SEMA6D: variants seen among roughly 807,000 people sequenced by gnomAD.
SEMA6D encodes semaphorin-6D.
SEMA6D carries 35 observed loss-of-function variants against 106.6 expected under a neutral mutation model. The observed-to-expected ratio is 0.33, with a 90% CI of 0.25 to 0.44. The LOEUF (loss-of-function observed/expected upper bound fraction) is 0.44. Among genes scored for constraint, SEMA6D ranks in the 20% least tolerant of loss-of-function variants. The pLI is 1.00. For missense variants in SEMA6D, 1,185 were observed against 1,345.9 expected (o/e 0.88, Z 1.87); for synonymous variants, 499 against 487.7 (o/e 1.02, Z -0.31).
intron 1 of SEMA6D, among the ~76,000 whole-genome samples, chr15:47,376,771 T>C (rs184095736): frequency 6.6e-6 from 1 of 152,208 alleles, no homozygotes; most frequent in Non-Finnish European, 1.5e-5. Context: ...GGGTAAAATA[T>C]GTTAAGTACC....
intron 3 of SEMA6D, among the ~76,000 whole-genome samples, chr15:47,530,482 C>A (rs72733854): frequency 0.14 from 21,046 of 152,112 alleles, 2,748 homozygotes; most frequent in African/African-American, 0.35. Context: ...AAAATATATA[C>A]GTAAACTCAA....
intron 1 of SEMA6D, among the ~76,000 whole-genome samples, chr15:47,337,335 A>G (rs1479151198): frequency 6.6e-6 from 1 of 152,194 alleles, no homozygotes; most frequent in African/African-American, 2.4e-5. Context: ...TCAGCAAAAA[A>G]GAGAACGTTG....
intron 3 of SEMA6D, among the ~76,000 whole-genome samples, chr15:47,594,234 C>A (rs529833809): frequency 9.8e-5 from 15 of 152,314 alleles, no homozygotes; most frequent in African/African-American, 2.4e-4. Context: ...CAAACTTCCT[C>A]CTTTAAGAAG....
At chr15:47,659,621 A>G (rs1425774363) in intron 4 of SEMA6D, among the ~76,000 whole-genome samples, 2 of 152,054 alleles carry the variant, frequency 1.3e-5, no homozygotes, top group Admixed American at 6.5e-5. Context: ...AAAAGTTTTC[A>G]TGTGTCAAAA....
At chr15:47,445,004 G>C (rs1306872620) in intron 2 of SEMA6D, among the ~76,000 whole-genome samples, 1 of 152,066 alleles carries the variant, frequency 6.6e-6, no homozygotes, top group South Asian at 2.1e-4. Context: ...CTGGAAGGGG[G>C]ATGGAGTGGG....
intron 4 of SEMA6D, among the ~76,000 whole-genome samples, chr15:47,622,516 T>A (rs1322273347): frequency 1.3e-5 from 2 of 152,138 alleles, no homozygotes; most frequent in Non-Finnish European, 2.9e-5. Flanking sequence ...TTAATGCATC[T>A]CTTCAACTTT....
chr15:47,469,096 G>C (rs2042750191), intron 2 of SEMA6D, among the ~76,000 whole-genome samples: 1 of 152,212 alleles, frequency 6.6e-6, no homozygotes, highest in Admixed American at 6.5e-5. Context: ...ATAGTGAGTA[G>C]TGGGAGCTGT....
At chr15:47,469,882 G>A (rs1281030111) in intron 2 of SEMA6D, among the ~76,000 whole-genome samples, 1 of 152,046 alleles carries the variant, frequency 6.6e-6, no homozygotes, top group Non-Finnish European at 1.5e-5. Flanking sequence ...CATTTTATAA[G>A]GAAATACTTT....
intron 2 of SEMA6D, among the ~76,000 whole-genome samples, chr15:47,427,245 G>A (rs922652651): frequency 6.6e-6 from 1 of 152,090 alleles, no homozygotes; most frequent in Admixed American, 6.6e-5. Flanking sequence ...ACTGCAGAAG[G>A]TGTTGATCAA....
intron 1 of SEMA6D, among the ~76,000 whole-genome samples, chr15:47,744,254 A>G (rs1006159863): frequency 5.9e-5 from 9 of 152,118 alleles, no homozygotes; most frequent in African/African-American, 1.2e-4. Flanking sequence ...ATAAAACACT[A>G]TAAGTGAAAA....
chr15:47,224,195 T>TA lies in SEMA6D; in HGVS notation c.-239+39787dup, dbSNP rs1048394671. ...AAAAATAATAAAATAAAATTAAATT[T>TA]AAAAAAAAAAGAAATACTATTTGCT... On this transcript the variant is annotated intron_variant, in intron 1 of 19. Transcript: ENST00000558014. Among the ~76,000 whole-genome samples, 70 of 149,316 alleles carry TA rather than the reference T, an allele frequency of 4.7e-4. 1 individual carries two copies. Among genetic ancestry groups the TA allele is most frequent in the South Asian group, 2.1e-3 (10 of 4,718 alleles).
chr15:47,483,489 T>C (rs2043211631), intron 3 of SEMA6D, among the ~76,000 whole-genome samples: 1 of 152,154 alleles, frequency 6.6e-6, no homozygotes, highest in African/African-American at 2.4e-5. Flanking sequence ...ATCCAAAAGA[T>C]GAAGAGAGCA....
At chr15:47,571,433 A>G (rs2046379471) in intron 3 of SEMA6D, among the ~76,000 whole-genome samples, 1 of 152,248 alleles carries the variant, frequency 6.6e-6, no homozygotes, top group Non-Finnish European at 1.5e-5. Context: ...AGCATTCTTG[A>G]GTCCAGAGCA....
chr15:47,694,435 G>A lies in SEMA6D; in HGVS notation c.-54-65310G>A, dbSNP rs112559839. The stretch of plus-strand genomic sequence containing the variant: ...CCAATTTGAGAACTTAAGACTCCTC[G>A]CCTTCACCTCCAACCCACCAAACCA... On this transcript the variant is annotated intron_variant, in intron 4 of 19. Coordinates refer to the SEMA6D transcript ENST00000558014. Among the ~76,000 whole-genome samples the A allele has an allele frequency of 7.1e-3, 1,079 of 152,022 alleles. 10 individuals are homozygous for A. Among genetic ancestry groups the A allele is most frequent in the Admixed American group, 0.011 (167 of 15,250 alleles).
rs537055432 is a variant in SEMA6D, at chr15:47,489,155, G to A, written c.-87+18610G>A. ...AGAGGAGACAGCCAGAGAAGAAGGC[G>A]TTCAGAGACACAGGCAGAGACTGGA... On this transcript the variant is annotated intron_variant, in intron 3 of 19. Coordinates refer to the SEMA6D transcript ENST00000558014. Among the ~76,000 whole-genome samples the A allele has an allele frequency of 2.1e-3, 314 of 152,242 alleles. 1 individual carries two copies. The highest frequency in any genetic ancestry group is 7.3e-3 in the African/African-American group (302 of 41,554).
chr15:47,529,664 T>C (rs2044887398), intron 3 of SEMA6D, among the ~76,000 whole-genome samples: 1 of 151,758 alleles, frequency 6.6e-6, no homozygotes, highest in Non-Finnish European at 1.5e-5. Context: ...CTTTTCTTAA[T>C]TTATTTTCTC....
At chr15:47,755,523 G>T (rs1169581741) in intron 1 of SEMA6D, among the ~76,000 whole-genome samples, 1 of 152,112 alleles carries the variant, frequency 6.6e-6, no homozygotes, top group Non-Finnish European at 1.5e-5. Context: ...TTTTTCTAAA[G>T]AAGTGTAATC....
At chr15:47,279,072 G>A (rs1380580606) in intron 1 of SEMA6D, among the ~76,000 whole-genome samples, 2 of 56,312 alleles carry the variant, frequency 3.6e-5, no homozygotes, top group Admixed American at 4.7e-4. Context: ...TGTTCTTTTG[G>A]CTCAGGATTG....
intron 3 of SEMA6D, among the ~76,000 whole-genome samples, chr15:47,499,427 T>C (rs555039881): frequency 9.8e-5 from 15 of 152,300 alleles, no homozygotes; most frequent in African/African-American, 3.6e-4. Context: ...ATTTATGTTA[T>C]TTGTATCAAA....
Sources: allele counts gnomAD v4.1 joint callset (sites outside exome capture counted in the v4.1 genomes callset), GRCh38; gene constraint gnomAD v4.1.1; transcripts MANE v1.5; gene names NCBI Gene and HGNC (gene_info 2026-07-23, HGNC 2026-07-21).